Variants in USP14 observed in about 807,000 individuals in gnomAD.
USP14 encodes ubiquitin specific peptidase 14, also known as ubiquitin carboxyl-terminal hydrolase 14.
A neutral mutation model predicts 76.5 loss-of-function variants in USP14; 38 were observed. That is an observed-to-expected ratio of 0.50 (90% CI 0.38 to 0.65). USP14 has a LOEUF of 0.65. Ranked by LOEUF, USP14 falls within the 30% of genes least tolerant of loss-of-function variation. USP14 has a pLI of 0.00. For synonymous variants in USP14, 192 were observed against 191.7 expected, an observed-to-expected ratio of 1.00 and a Z score of -0.01; for missense variants, 467 against 586.5, an observed-to-expected ratio of 0.80 and a Z score of 2.10.
chr18:206,574 T>C (rs1406495158), intron 13 of USP14, among the ~76,000 whole-genome samples: 5 of 152,316 alleles, frequency 3.3e-5, no homozygotes, highest in Non-Finnish European at 2.9e-5. Context: ...TTTTTTTCTT[T>C]AGTTGCTTGT....
At chr18:207,080 C>T (rs1236970402) in intron 13 of USP14, among the ~76,000 whole-genome samples, 1 of 146,186 alleles carries the variant, frequency 6.8e-6, no homozygotes, top group African/African-American at 2.5e-5. Context: ...TGTTCTTTGC[C>T]CATCAGATGG....
At position 195,711 on chromosome 18, in the gene USP14, G is replaced by T. The variant is rs545224931; in HGVS notation, c.464-926G>T. ...GATTTAAATCTCCAGGAGTTGAGTA[G>T]ATGAGAACCAACTATAGGTTTAAAG... On this transcript the variant is annotated intron_variant, in intron 6 of 15. Coordinates refer to ENST00000261601, the MANE Select transcript of USP14 (RefSeq NM_005151.4). Among the ~76,000 whole-genome samples the T allele has an allele frequency of 7.2e-5, 11 of 152,322 alleles. No individual in the cohort carries two copies. In the East Asian group the frequency reaches 1.2e-3, roughly 16 times the overall value.
Position 198,054 on chromosome 18 carries a change from C to T in USP14, c.683C>T (p.Ser228Phe). The change falls in exon 9 of 16, where the codon TCC becomes TTC. Residue 228 changes from serine to phenylalanine, a missense_variant. By Grantham distance (155) the Ser-to-Phe change is radical. Transcript: ENST00000261601. ...IEDDSVKETD[S>F]SSASAATPSK... The stretch of plus-strand genomic sequence containing the variant: ...TTATTTTAATTTTTGCAGACAGACT[C>T]CTCATCTGCATCGGCAGCGACACCT... 2 of 1,608,260 alleles carry T rather than the reference C, an allele frequency of 1.2e-6. No homozygotes were observed. The highest frequency in any genetic ancestry group is 1.7e-5 in the Admixed American group (1 of 59,596).
chr18:168,868 G>A (rs1465349617), intron 3 of USP14, among the ~76,000 whole-genome samples: 4 of 149,670 alleles, frequency 2.7e-5, no homozygotes, highest in East Asian at 2.1e-4. Context: ...GTCGGAGATC[G>A]AGACCATCCT....
At chr18:195,995 A>C (rs745561693) in intron 6 of USP14, among the ~76,000 whole-genome samples, 28 of 151,752 alleles carry the variant, frequency 1.8e-4, no homozygotes, top group Non-Finnish European at 3.1e-4. Flanking sequence ...TCTTATTGAG[A>C]GTCCAACAAT....
chr18:179,700 A>G (rs932851603), intron 4 of USP14, among the ~76,000 whole-genome samples: 2 of 147,398 alleles, frequency 1.4e-5, no homozygotes, highest in South Asian at 2.1e-4. Flanking sequence ...TGATCCTCCC[A>G]CCTCAGGCTC....
At chr18:164,124 C>T (rs1909200602) in intron 2 of USP14, among the ~76,000 whole-genome samples, 1 of 152,120 alleles carries the variant, frequency 6.6e-6, no homozygotes, top group African/African-American at 2.4e-5. Flanking sequence ...GAACACTTTA[C>T]AGTTATCTGT....
At chr18:170,503 C>G (rs1909412928) in intron 3 of USP14, among the ~76,000 whole-genome samples, 2 of 152,088 alleles carry the variant, frequency 1.3e-5, no homozygotes. Flanking sequence ...ATACAAAGGT[C>G]CAGTTTTCAA....
intron 11 of USP14, 58 bp downstream of exon 11, chr18:203,003 A>G (rs749138544): frequency 1.1e-5 from 18 of 1,606,174 alleles, no homozygotes; most frequent in South Asian, 4.4e-5. Context: ...TTTCCAGTTA[A>G]TTAATTTTAT....
At chr18:190,631 A>G (rs1365575448) in intron 5 of USP14, among the ~76,000 whole-genome samples, 3 of 152,160 alleles carry the variant, frequency 2.0e-5, no homozygotes, top group African/African-American at 7.2e-5. Flanking sequence ...ATGATTGAAT[A>G]TTTCATAGGG....
At position 177,993 on chromosome 18, in the gene USP14, T is replaced by C. The variant is rs184749923; in HGVS notation, c.196-940T>C. ...GTTACACAATAGACATTCACAGAAA[T>C]AATTTTATTAGTGTTTGTTTGTTTG... On this transcript the variant is annotated intron_variant, in intron 3 of 15. Transcript: ENST00000261601. Among the ~76,000 whole-genome samples the C allele has an allele frequency of 3.3e-5, 5 of 150,548 alleles. No individual in the cohort carries two copies. In the East Asian group the frequency reaches 9.7e-4, roughly 29 times the overall value.
In USP14 at chr18:212,204, A is replaced by C. The variant is rs1473658603; in HGVS notation, c.*920A>C. On this transcript the variant is annotated 3_prime_UTR_variant, in exon 16 of 16. Transcript: ENST00000261601. Reference sequence around the variant, plus strand: ...TTCTTTGCCTGCCTGTATTTTAAAAAGAAATACAAAGTTGTAAAAGTAATG... The same window carrying C: ...TTCTTTGCCTGCCTGTATTTTAAAACGAAATACAAAGTTGTAAAAGTAATG... 1 of 152,376 alleles carries C rather than the reference A, an allele frequency of 6.6e-6. No homozygotes were observed. The highest frequency in any genetic ancestry group is 2.4e-5 in the African/African-American group (1 of 41,594). 9.4% of individuals were successfully genotyped at this position (152,376 alleles called of 1,614,324 possible).
intron 1 of USP14, among the ~76,000 whole-genome samples, chr18:159,881 A>G (rs1050162136): frequency 1.3e-5 from 2 of 152,224 alleles, no homozygotes; most frequent in African/African-American, 2.4e-5. Flanking sequence ...AAGGAACTCA[A>G]GTAGATTTCT....
intron 5 of USP14, among the ~76,000 whole-genome samples, chr18:191,936 G>C (rs1014379466): frequency 6.6e-6 from 1 of 152,276 alleles, no homozygotes. Flanking sequence ...ATAAGACATT[G>C]TGTGAGTAAT....
At chr18:204,735 T>C (rs1165481063) in intron 13 of USP14, 43 bp downstream of exon 13, 3 of 1,595,646 alleles carry the variant, frequency 1.9e-6, no homozygotes, top group Non-Finnish European at 2.6e-6. Context: ...TATCTTAATC[T>C]CCCATCAGTG....
At position 196,983 on chromosome 18, in the gene USP14, T is replaced by A. The variant is rs146804768; in HGVS notation, c.594+216T>A. 6.0e-3 allele frequency among the ~76,000 whole-genome samples: 920 copies of A among 152,304 alleles called. 5 individuals carry two copies. The highest frequency in any genetic ancestry group is 0.021 in the African/African-American group (853 of 41,562). ...TCTCTACACAGCCCGCAATGTCCTT[T>A]TTAAAATGACGATAGGATTATGTTG... On this transcript the variant is annotated intron_variant, in intron 7 of 15. Coordinates refer to ENST00000261601, the MANE Select transcript of USP14 (RefSeq NM_005151.4).
At chr18:205,829 T>C (rs2143093336) in intron 13 of USP14, among the ~76,000 whole-genome samples, 1 of 152,320 alleles carries the variant, frequency 6.6e-6, no homozygotes, top group South Asian at 2.1e-4. Flanking sequence ...CTTTTTAATA[T>C]AACCTTTCTC....
intron 6 of USP14, among the ~76,000 whole-genome samples, chr18:194,400 C>A (rs530889952): frequency 6.6e-6 from 1 of 152,096 alleles, no homozygotes; most frequent in Non-Finnish European, 1.5e-5. Flanking sequence ...AAATACTGTT[C>A]TTTACATTTT....
rs200624478 is a variant in USP14, at chr18:163,340, G to A, written c.49G>A (p.Gly17Ser). Reference protein sequence around the residue: ...TVKWGKEKFEGVELNTDEPPM... With the variant: ...TVKWGKEKFESVELNTDEPPM... ...AAAATGGGGAAAGGAGAAATTTGAA[G>A]GTGTAGAATTGAATACAGATGAACC... Residue 17 changes from glycine to serine, a missense_variant, in exon 2 of 16, where the codon GGT (glycine) becomes AGT (serine). Transcript: ENST00000261601. The A allele has an allele frequency of 1.2e-6, 2 of 1,610,972 alleles. No individual in the cohort carries two copies. The highest frequency in any genetic ancestry group is 1.7e-6 in the Non-Finnish European group (2 of 1,178,684).
Sources: allele counts gnomAD v4.1 joint callset (sites outside exome capture counted in the v4.1 genomes callset), GRCh38; gene constraint gnomAD v4.1.1; transcripts MANE v1.5; gene names NCBI Gene and HGNC (gene_info 2026-07-23, HGNC 2026-07-21).